Variants in VPS41 observed in about 807,000 individuals in gnomAD.
The protein encoded by VPS41 is VPS41 subunit of HOPS complex, also known as vacuolar protein sorting-associated protein 41 homolog.
VPS41 carries 85 observed loss-of-function variants against 130.9 expected under a neutral mutation model. The ratio of observed to expected loss-of-function variants is 0.65; its 90% CI spans 0.55 to 0.78. The LOEUF is 0.78. Ranked by LOEUF, VPS41 falls within the 30% of genes least tolerant of loss-of-function variation. VPS41 has a pLI of 0.00. For missense variants in VPS41, 874 were observed against 1,018.7 expected, an observed-to-expected ratio of 0.86 and a Z score of 1.93; for synonymous variants, 335 against 332.9, an observed-to-expected ratio of 1.01 and a Z score of -0.07.
At chr7:38,764,293 G>A (rs1205499666) in intron 16 of VPS41, among the ~76,000 whole-genome samples, 1 of 152,178 alleles carries the variant, frequency 6.6e-6, no homozygotes, top group Non-Finnish European at 1.5e-5. Context: ...CTGGCAGGGG[G>A]AATAGCATGA....
chr7:38,767,422 C>G (rs541776628), intron 15 of VPS41, 115 bp downstream of exon 15: 1 of 528,570 alleles, frequency 1.9e-6, no homozygotes, highest in South Asian at 4.3e-5. Context: ...AAATTACCCT[C>G]GTTAGAAAGA....
Position 38,726,059 on chromosome 7 carries a change from G to A in VPS41, c.*187C>T. 1.8e-6 allele frequency: 1 copy of A among 557,184 alleles called. No individual in the cohort carries two copies. Among genetic ancestry groups the A allele is most frequent in the Non-Finnish European group, 3.2e-6 (1 of 314,752 alleles). 34.5% of individuals were successfully genotyped at this position (557,184 alleles called of 1,614,324 possible). ...ACCCCAAAATTTCAAGGCATGAAGA[G>A]AGCCCCAAATTCTCTGTGAACTGCA... On this transcript the variant is annotated 3_prime_UTR_variant, in exon 29 of 29. Coordinates refer to ENST00000310301, the MANE Select transcript of VPS41 (RefSeq NM_014396.4).
chr7:38,726,268 G>A lies in VPS41; in HGVS notation c.2543C>T (p.Ala848Val), dbSNP rs1443274149. The A allele has an allele frequency of 1.2e-6, 2 of 1,613,394 alleles. No homozygotes were observed. Among genetic ancestry groups the A allele is most frequent in the African/African-American group, 2.7e-5 (2 of 74,918 alleles). Reference sequence around the variant, plus strand: ...GAGCTATTTTTTCATCTCCAAAATTGCACTTCCTGGTCCACGGTTCTTAGC... The same window carrying A: ...GAGCTATTTTTTCATCTCCAAAATTACACTTCCTGGTCCACGGTTCTTAGC... The part of the protein sequence containing the change: ...CSAKNRGPGS[A>V]ILEMKK Residue 848 changes from alanine (A) to valine (V), a missense_variant, in exon 29 of 29, where the codon GCA becomes GTA. Physicochemically the swap from Ala to Val is moderately conservative, Grantham distance 64. Coordinates refer to ENST00000310301, the MANE Select transcript of VPS41 (RefSeq NM_014396.4).
intron 22 of VPS41, among the ~76,000 whole-genome samples, chr7:38,748,797 T>C (rs1267204794): frequency 6.6e-6 from 1 of 151,956 alleles, no homozygotes; most frequent in Non-Finnish European, 1.5e-5. Flanking sequence ...CCCAACATAG[T>C]GGAAAAAATA....
chr7:38,758,517 T>G, intron 17 of VPS41, 36 bp from the exon 18 acceptor site: 1 of 1,593,328 alleles, frequency 6.3e-7, no homozygotes, highest in Non-Finnish European at 8.5e-7. Context: ...AGAACACTCA[T>G]TCAACAGAAT....
At chr7:38,831,192 T>C (rs1450246241) in intron 4 of VPS41, 1 of 470,896 alleles carries the variant, frequency 2.1e-6, no homozygotes, top group South Asian at 1.6e-5. Flanking sequence ...GATTTTAGTC[T>C]TGGCAAATAT....
chr7:38,795,406 G>T, intron 9 of VPS41, 59 bp downstream of exon 9: 1 of 1,498,894 alleles, frequency 6.7e-7, no homozygotes, highest in South Asian at 1.3e-5. Flanking sequence ...ACAGTCCTTT[G>T]GACCACCCTC....
At chr7:38,788,631 G>A (rs998760501) in intron 10 of VPS41, among the ~76,000 whole-genome samples, 1 of 152,100 alleles carries the variant, frequency 6.6e-6, no homozygotes, top group Admixed American at 6.5e-5. Flanking sequence ...GGCAAGGAAA[G>A]AAGAAAAAGA....
rs1006429934 is a variant in VPS41, at chr7:38,789,883, G to A, written c.718-16C>T. Reference sequence around the variant, plus strand: ...CTGAGCACACCTGGAAAATAAGTTCGCAGGTTATTTTATTCATTTGATGGA... The same window carrying A: ...CTGAGCACACCTGGAAAATAAGTTCACAGGTTATTTTATTCATTTGATGGA... On this transcript the variant is annotated splice_polypyrimidine_tract_variant and intron_variant, in intron 9 of 28. Coordinates refer to ENST00000310301, the MANE Select transcript of VPS41 (RefSeq NM_014396.4). 12 of 1,612,630 alleles carry A rather than the reference G, an allele frequency of 7.4e-6. No individual in the cohort carries two copies. Among genetic ancestry groups the A allele is most frequent in the South Asian group, 4.4e-5 (4 of 91,006 alleles).
Position 38,763,491 on chromosome 7 carries a change from T to C in VPS41, c.1386A>G (p.Glu462=), listed in dbSNP as rs141265387. 2,458 of 1,608,778 alleles carry C rather than the reference T, an allele frequency of 1.5e-3. 40 individuals are homozygous for C. The South Asian group carries it at 0.02, about 13-fold the overall frequency. The change falls in exon 17 of 29, where the codon GAA becomes GAG. Residue 462 remains glutamate, a synonymous_variant. Transcript: ENST00000310301. ...TCTCCAAAAATTCATGTAAGATCAT[T>C]TCATAGATGAGTGGTTTCAGAACTG... ...GDPVLKPLIY[E]MILHEFLESD... is the part of the protein sequence containing the mutation.
At chr7:38,851,810 A>G (rs1785861415) in intron 4 of VPS41, among the ~76,000 whole-genome samples, 1 of 152,182 alleles carries the variant, frequency 6.6e-6, no homozygotes, top group East Asian at 1.9e-4. Flanking sequence ...ATCCTAACCA[A>G]TACTTGGTAT....
chr7:38,803,446 T>C (rs1333897533), intron 7 of VPS41, among the ~76,000 whole-genome samples: 1 of 152,216 alleles, frequency 6.6e-6, no homozygotes, highest in East Asian at 1.9e-4. Context: ...AGATACCATG[T>C]GTGTTCCCAC....
At chr7:38,890,054 T>C (rs1786828134) in intron 2 of VPS41, among the ~76,000 whole-genome samples, 1 of 152,054 alleles carries the variant, frequency 6.6e-6, no homozygotes, top group Non-Finnish European at 1.5e-5. Context: ...ACTAGGAAAT[T>C]ATACAAAGGA....
At chr7:38,891,047 A>G (rs937359706) in intron 2 of VPS41, among the ~76,000 whole-genome samples, 11 of 152,204 alleles carry the variant, frequency 7.2e-5, no homozygotes, top group Admixed American at 4.6e-4. Flanking sequence ...AGTAGAATAA[A>G]AAACAATTTT....
chr7:38,743,272 G>A, intron 24 of VPS41, 130 bp downstream of exon 24: 2 of 964,776 alleles, frequency 2.1e-6, no homozygotes, highest in Non-Finnish European at 3.1e-6. Flanking sequence ...CAACACACCT[G>A]GCCTATTTTT....
chr7:38,889,253 T>C (rs1469574253), intron 2 of VPS41, among the ~76,000 whole-genome samples: 2 of 151,884 alleles, frequency 1.3e-5, no homozygotes, highest in Non-Finnish European at 2.9e-5. Flanking sequence ...CACAATTTGG[T>C]GAAGGGCATA....
At chr7:38,761,068 GGAATGGATTCAATCA>G (rs1010123161) in intron 17 of VPS41, among the ~76,000 whole-genome samples, 14 of 151,916 alleles carry the variant, frequency 9.2e-5, no homozygotes, top group African/African-American at 3.4e-4. Flanking sequence ...CAGAAATTTG[GGAATGGATTCAATCA>G]GAACATTAAA....
intron 25 of VPS41, among the ~76,000 whole-genome samples, chr7:38,738,050 G>A (rs1325716631): frequency 1.3e-5 from 2 of 152,268 alleles, no homozygotes; most frequent in Middle Eastern, 6.8e-3. Context: ...ACTTCTTCAG[G>A]ATCATCTACA....
At chr7:38,748,497 C>T (rs779036192) in intron 22 of VPS41, among the ~76,000 whole-genome samples, 33 of 151,524 alleles carry the variant, frequency 2.2e-4, no homozygotes, top group Non-Finnish European at 1.0e-4. Context: ...AACTTGGCAT[C>T]TCTCAGCTTT....
Sources: gnomAD v4.1 joint callset for allele counts (sites outside exome capture counted in the v4.1 genomes callset) on GRCh38, gnomAD v4.1.1 for gene constraint, MANE v1.5 for transcripts, NCBI Gene and HGNC (gene_info 2026-07-23, HGNC 2026-07-21) for gene names.